ADAMTS19: variants seen among roughly 807,000 people sequenced by gnomAD.
ADAMTS19 encodes the protein A disintegrin and metalloproteinase with thrombospondin motifs 19.
In ADAMTS19, 93 loss-of-function variants were observed where a neutral mutation model predicts 153.3. The ratio of observed to expected loss-of-function variants is 0.61; its 90% CI spans 0.51 to 0.72. The LOEUF is 0.72. Among genes scored for constraint, ADAMTS19 ranks in the 30% least tolerant of loss-of-function variants. The pLI, the probability that ADAMTS19 is intolerant of heterozygous loss-of-function variation, is 0.00. For missense variants in ADAMTS19, 1,482 were observed against 1,552.1 expected (o/e 0.95, Z 0.76); for synonymous variants, 600 against 556.6 (o/e 1.08, Z -1.10).
At chr5:129,582,972 T>C (rs893456743) in intron 7 of ADAMTS19, among the ~76,000 whole-genome samples, 6 of 152,172 alleles carry the variant, frequency 3.9e-5, no homozygotes, top group African/African-American at 1.4e-4. Flanking sequence ...TTGGTTATTT[T>C]GCCCGTTATT....
At chr5:129,601,888 C>T (rs1037716818) in intron 8 of ADAMTS19, among the ~76,000 whole-genome samples, 2 of 152,258 alleles carry the variant, frequency 1.3e-5, no homozygotes, top group East Asian at 3.9e-4. Context: ...TAGTCCCCAA[C>T]CATAAATCAC....
Position 129,506,768 on chromosome 5 carries a change from TATTAAA to T in ADAMTS19, c.748-2302_748-2297del, listed in dbSNP as rs946595656. Among the ~76,000 whole-genome samples, 16 of 152,104 alleles carry T rather than the reference TATTAAA, an allele frequency of 1.1e-4. No homozygotes were observed. The South Asian group carries it at 3.1e-3, about 30-fold the overall frequency. On this transcript the variant is annotated intron_variant, in intron 2 of 22. Coordinates refer to ENST00000274487, the MANE Select transcript of ADAMTS19 (RefSeq NM_133638.6). ...TTATATTTATTATGATTGTCCTTAT[TATTAAA>T]ATTAAAGTAACAGCAAACATTTATT... is the stretch of plus-strand genomic sequence containing the variant.
intron 2 of ADAMTS19, among the ~76,000 whole-genome samples, chr5:129,483,726 G>A (rs1750496185): frequency 6.6e-6 from 1 of 152,184 alleles, no homozygotes; most frequent in Non-Finnish European, 1.5e-5. Context: ...TGCTGCAGTT[G>A]TGCATGGTTG....
chr5:129,636,872 CTT>C (rs1752555305), intron 10 of ADAMTS19, among the ~76,000 whole-genome samples: 1 of 152,114 alleles, frequency 6.6e-6, no homozygotes, highest in Non-Finnish European at 1.5e-5. Context: ...CTTATAAAGT[CTT>C]ATTTCTTTTT....
In ADAMTS19 at chr5:129,737,219, C is replaced by A; in HGVS notation, c.*1C>A. On this transcript the variant is annotated 3_prime_UTR_variant, in exon 23 of 23. Coordinates refer to ENST00000274487, the MANE Select transcript of ADAMTS19 (RefSeq NM_133638.6). ...CCAAAAGCTGCAGCAGAAGAGTTGA[C>A]CTCTAGCAGGCTGGCTGGATCACAG... 6.3e-7 allele frequency: 1 copy of A among 1,593,430 alleles called. No homozygotes were observed. Among genetic ancestry groups the A allele is most frequent in the Non-Finnish European group, 8.6e-7 (1 of 1,166,288 alleles).
Position 129,658,611 on chromosome 5 carries a change from T to C in ADAMTS19, c.2305-6T>C, listed in dbSNP as rs1188228885. Reference sequence around the variant, plus strand: ...TTTATGATGTGCTGTCACTCTCTTGTTACAGAAAGTTGGCTGTGATGGTTT... The same window carrying C: ...TTTATGATGTGCTGTCACTCTCTTGCTACAGAAAGTTGGCTGTGATGGTTT... On this transcript the variant is annotated splice_region_variant and splice_polypyrimidine_tract_variant and intron_variant, in intron 14 of 22. Coordinates refer to ENST00000274487, the MANE Select transcript of ADAMTS19 (RefSeq NM_133638.6). 6.2e-7 allele frequency: 1 copy of C among 1,610,308 alleles called. No individual in the cohort carries two copies. The highest frequency in any genetic ancestry group is 1.7e-5 in the Admixed American group (1 of 59,388).
intron 2 of ADAMTS19, chr5:129,500,349 T>C (rs1751057302): frequency 6.6e-6 from 1 of 152,166 alleles, no homozygotes; most frequent in Admixed American, 6.6e-5. Context: ...AGGTGACAGA[T>C]GGCATTTTGG....
chr5:129,535,353 A>C (rs1581052099), intron 6 of ADAMTS19, among the ~76,000 whole-genome samples: 1 of 152,184 alleles, frequency 6.6e-6, no homozygotes, highest in Admixed American at 6.5e-5. Flanking sequence ...CCAACTTACA[A>C]GGGGTGTGAA....
intron 8 of ADAMTS19, among the ~76,000 whole-genome samples, chr5:129,603,999 C>A (rs73248553): frequency 6.6e-6 from 1 of 152,218 alleles, no homozygotes; most frequent in African/African-American, 2.4e-5. Context: ...TTTCACACCC[C>A]CTTTCATTCT....
intron 16 of ADAMTS19, among the ~76,000 whole-genome samples, chr5:129,679,308 A>C (rs17163140): frequency 6.6e-6 from 1 of 152,166 alleles, no homozygotes; most frequent in Non-Finnish European, 1.5e-5. Context: ...TCAGTTAATT[A>C]ATGTCCTGCT....
chr5:129,608,110 G>GTATA (rs1368112273), intron 8 of ADAMTS19, among the ~76,000 whole-genome samples: 1 of 36,242 alleles, frequency 2.8e-5, no homozygotes, highest in Non-Finnish European at 8.5e-5. Context: ...GTGTGTGTGT[G>GTATA]TGTGTGTATA....
intron 2 of ADAMTS19, among the ~76,000 whole-genome samples, chr5:129,504,058 T>C (rs1270057422): frequency 6.6e-6 from 1 of 152,168 alleles, no homozygotes; most frequent in Admixed American, 6.6e-5. Context: ...GACATTGGCT[T>C]TCCTTGTCCT....
At chr5:129,561,819 A>ACTAT (rs3071537) in intron 7 of ADAMTS19, among the ~76,000 whole-genome samples, 53,015 of 148,046 alleles carry the variant, frequency 0.36, 9,483 homozygotes, top group Non-Finnish European at 0.39. Context: ...ATTTCACCCT[A>ACTAT]CTATCTATCT....
rs1757707923 is a variant in ADAMTS19 at position 129,737,239 on chromosome 5, T to C, written c.*21T>C. On this transcript the variant is annotated 3_prime_UTR_variant, in exon 23 of 23. Transcript: ENST00000274487. ...GTTGACCTCTAGCAGGCTGGCTGGATCACAGCTCTTGGCAATTACATTATT... is the reference window on the plus strand; with the variant it reads ...GTTGACCTCTAGCAGGCTGGCTGGACCACAGCTCTTGGCAATTACATTATT... The C allele has an allele frequency of 6.4e-7, 1 of 1,569,064 alleles. No individual in the cohort carries two copies. Among genetic ancestry groups the C allele is most frequent in the Non-Finnish European group, 8.7e-7 (1 of 1,150,160 alleles).
At chr5:129,690,944 T>C (rs1009590095) in intron 18 of ADAMTS19, among the ~76,000 whole-genome samples, 5 of 152,114 alleles carry the variant, frequency 3.3e-5, no homozygotes, top group African/African-American at 9.7e-5. Flanking sequence ...GTATAGAAAA[T>C]TTCAGTTATG....
At chr5:129,489,408 G>C (rs984650944) in intron 2 of ADAMTS19, among the ~76,000 whole-genome samples, 2 of 152,044 alleles carry the variant, frequency 1.3e-5, no homozygotes, top group African/African-American at 4.8e-5. Flanking sequence ...TGGTCTTCCA[G>C]TGCCACATCT....
chr5:129,578,089 TATACATAC>T (rs1419892746), intron 7 of ADAMTS19, among the ~76,000 whole-genome samples: 5,675 of 49,978 alleles, frequency 0.11, 674 homozygotes, highest in Non-Finnish European at 0.25. Flanking sequence ...CATATATACA[TATACATAC>T]ATATACATAT....
chr5:129,518,922 C>A (rs1415741514), intron 3 of ADAMTS19, among the ~76,000 whole-genome samples: 2 of 151,994 alleles, frequency 1.3e-5, no homozygotes, highest in Non-Finnish European at 2.9e-5. Context: ...TTTCAAATAG[C>A]CTGTCTTCAA....
intron 6 of ADAMTS19, among the ~76,000 whole-genome samples, chr5:129,533,335 A>G (rs916271183): frequency 2.0e-5 from 3 of 152,170 alleles, no homozygotes; most frequent in Non-Finnish European, 4.4e-5. Flanking sequence ...AAATTCACCA[A>G]TCTTCTCATT....
Sources: gnomAD v4.1 joint callset for allele counts (sites outside exome capture counted in the v4.1 genomes callset) on GRCh38, gnomAD v4.1.1 for gene constraint, MANE v1.5 for transcripts, NCBI Gene and HGNC (gene_info 2026-07-23, HGNC 2026-07-21) for gene names.